Variants in NTRK2 observed in about 807,000 individuals in gnomAD.
The protein encoded by NTRK2 is neurotrophic receptor tyrosine kinase 2, also known as BDNF/NT-3 growth factors receptor.
Under a neutral mutation model 94.5 loss-of-function variants are expected in NTRK2, and 13 were observed. The observed-to-expected ratio is 0.14, with a 90% CI of 0.09 to 0.22. The LOEUF is 0.22. Ranked by LOEUF, NTRK2 falls within the 10% of genes least tolerant of loss-of-function variation. The probability of loss-of-function intolerance (pLI) is 1.00; values close to 1 mark genes in which losing one functional copy is unlikely to be tolerated. For synonymous variants in NTRK2, 372 were observed against 407.4 expected (o/e 0.91, Z 1.05); for missense variants, 639 against 1,071.2 (o/e 0.60, Z 5.63).
intron 6 of NTRK2, among the ~76,000 whole-genome samples, chr9:84,717,705 A>G (rs763724551): frequency 1.1e-4 from 17 of 152,262 alleles, no homozygotes; most frequent in Non-Finnish European, 2.4e-4. Context: ...GCACATACTA[A>G]GTACCCAATA....
chr9:84,958,119 C>T (rs748219256), intron 17 of NTRK2, among the ~76,000 whole-genome samples: 7 of 152,050 alleles, frequency 4.6e-5, no homozygotes, highest in South Asian at 4.2e-4. Context: ...ACTGCTACTG[C>T]GTACAGGGTT....
intron 17 of NTRK2, among the ~76,000 whole-genome samples, chr9:84,982,812 AAG>A (rs1827807897): frequency 6.6e-6 from 1 of 152,228 alleles, no homozygotes; most frequent in African/African-American, 2.4e-5. Flanking sequence ...AATAATTTCA[AAG>A]ATATGATATA....
At chr9:85,008,670 A>G (rs1831234232) in intron 17 of NTRK2, among the ~76,000 whole-genome samples, 1 of 152,180 alleles carries the variant, frequency 6.6e-6, no homozygotes, top group Non-Finnish European at 1.5e-5. Flanking sequence ...CCAAAATCAC[A>G]TGGAAAGTCG....
intron 14 of NTRK2, chr9:84,873,325 C>T: frequency 9.4e-7 from 1 of 1,058,886 alleles, no homozygotes; most frequent in Non-Finnish European, 1.1e-6. Context: ...TAAAAATAAG[C>T]TAAGTCCATT....
At chr9:84,908,787 A>G (rs1007062289) in intron 14 of NTRK2, among the ~76,000 whole-genome samples, 4 of 152,276 alleles carry the variant, frequency 2.6e-5, no homozygotes, top group Non-Finnish European at 5.9e-5. Context: ...TGTTCCTTAC[A>G]AGCAAGTAAT....
chr9:84,768,922 G>T (rs900662216), intron 12 of NTRK2, among the ~76,000 whole-genome samples: 3 of 152,108 alleles, frequency 2.0e-5, no homozygotes, highest in African/African-American at 7.2e-5. Context: ...ATCCCCTGCG[G>T]GACAGTAGAG....
intron 17 of NTRK2, among the ~76,000 whole-genome samples, chr9:84,977,212 T>C (rs189659665): frequency 2.0e-5 from 3 of 152,204 alleles, no homozygotes; most frequent in South Asian, 2.1e-4. Context: ...TTCATTTACA[T>C]TGAACTCAGG....
chr9:84,874,022 T>G, intron 14 of NTRK2: 1 of 1,064,120 alleles, frequency 9.4e-7, no homozygotes, highest in Non-Finnish European at 1.1e-6. Context: ...TCAGTGATGT[T>G]CTAGAAGCAT....
chr9:84,809,349 G>T (rs1251808317), intron 12 of NTRK2, among the ~76,000 whole-genome samples: 1 of 150,246 alleles, frequency 6.7e-6, no homozygotes, highest in Non-Finnish European at 1.5e-5. Flanking sequence ...TGTTTGGTTG[G>T]TGCTTAACAA....
chr9:84,975,220 C>G (rs369234177), intron 17 of NTRK2, among the ~76,000 whole-genome samples: 2 of 152,054 alleles, frequency 1.3e-5, no homozygotes, highest in African/African-American at 2.4e-5. Context: ...TTTTTCCCCC[C>G]TCTTTCCCAA....
chr9:84,704,260 G>A (rs1319098997), intron 4 of NTRK2, among the ~76,000 whole-genome samples: 2 of 117,884 alleles, frequency 1.7e-5, no homozygotes, highest in African/African-American at 6.6e-5. Flanking sequence ...ATGGAGTCTC[G>A]CTCTGTCACC....
chr9:85,008,572 T>G (rs1831223758), intron 17 of NTRK2, among the ~76,000 whole-genome samples: 1 of 152,172 alleles, frequency 6.6e-6, no homozygotes, highest in African/African-American at 2.4e-5. Flanking sequence ...ACTATCTCAC[T>G]TGAACCTCAG....
intron 12 of NTRK2, among the ~76,000 whole-genome samples, chr9:84,794,350 G>C (rs1317172666): frequency 6.6e-6 from 1 of 152,198 alleles, no homozygotes; most frequent in Non-Finnish European, 1.5e-5. Flanking sequence ...AGGGGCATAG[G>C]TTGCAGGTTG....
chr9:84,901,591 G>T (rs1465512565), intron 14 of NTRK2, among the ~76,000 whole-genome samples: 2 of 152,152 alleles, frequency 1.3e-5, no homozygotes, highest in Non-Finnish European at 2.9e-5. Context: ...AATGCATTAT[G>T]TATAATACTT....
rs139786112 is a variant in NTRK2, at chr9:84,716,349, C to T, written c.583+5558C>T. Reference sequence around the variant, plus strand: ...TTCACAGGTGCCCAGGAGGAGAGGCCGGGTTCCTTGAGATAAATTGAATTT... The same window carrying T: ...TTCACAGGTGCCCAGGAGGAGAGGCTGGGTTCCTTGAGATAAATTGAATTT... On this transcript the variant is annotated intron_variant, in intron 6 of 18. Coordinates refer to ENST00000277120, the MANE Select transcript of NTRK2 (RefSeq NM_006180.6). 1.9e-3 allele frequency among the ~76,000 whole-genome samples: 290 copies of T among 152,136 alleles called. 3 individuals carry two copies. The highest frequency in any genetic ancestry group is 6.8e-3 in the African/African-American group (282 of 41,518).
intron 14 of NTRK2, among the ~76,000 whole-genome samples, chr9:84,884,619 T>A (rs1446447385): frequency 2.0e-5 from 3 of 152,232 alleles, no homozygotes; most frequent in Admixed American, 6.5e-5. Context: ...GCATAATATA[T>A]CACGACGTTT....
At chr9:84,763,742 C>T (rs568456662) in intron 12 of NTRK2, among the ~76,000 whole-genome samples, 2 of 152,252 alleles carry the variant, frequency 1.3e-5, no homozygotes, top group African/African-American at 4.8e-5. Context: ...ATTACCTAGA[C>T]TATCTTCAAA....
At chr9:84,972,658 A>C (rs144986106) in intron 17 of NTRK2, among the ~76,000 whole-genome samples, 1 of 152,236 alleles carries the variant, frequency 6.6e-6, no homozygotes, top group African/African-American at 2.4e-5. Context: ...TAATGTATAA[A>C]TACTACCAAC....
rs142937174 is a variant in NTRK2, at chr9:84,849,034, A to G, written c.1397-12006A>G. On this transcript the variant is annotated intron_variant, in intron 12 of 18. Transcript: ENST00000277120. Reference sequence around the variant, plus strand: ...ACTACATATGTACTTTCTTAGGCATACATATTGGAGTCTTTTTATAAGATA... The same window carrying G: ...ACTACATATGTACTTTCTTAGGCATGCATATTGGAGTCTTTTTATAAGATA... 5.9e-3 allele frequency among the ~76,000 whole-genome samples: 906 copies of G among 152,344 alleles called. 27 individuals are homozygous for G. Among genetic ancestry groups the G allele is most frequent in the East Asian group, 0.045 (234 of 5,186 alleles).
Sources: allele counts gnomAD v4.1 joint callset (sites outside exome capture counted in the v4.1 genomes callset), GRCh38; gene constraint gnomAD v4.1.1; transcripts MANE v1.5; gene names NCBI Gene and HGNC (gene_info 2026-07-23, HGNC 2026-07-21).